Variants in LRP6 observed in about 807,000 individuals in gnomAD.
The protein encoded by LRP6 is low-density lipoprotein receptor-related protein 6.
LRP6 carries 43 observed loss-of-function variants against 184.1 expected under a neutral mutation model. That is an observed-to-expected ratio of 0.23 (90% CI 0.18 to 0.30). The LOEUF (loss-of-function observed/expected upper bound fraction) is 0.30. LRP6 is among the 10% of genes least tolerant of loss of function. The pLI is 1.00. For synonymous variants in LRP6, 719 were observed against 684.9 expected, an observed-to-expected ratio of 1.05 and a Z score of -0.78; for missense variants, 1,571 against 2,005.3, an observed-to-expected ratio of 0.78 and a Z score of 4.14.
intron 15 of LRP6, among the ~76,000 whole-genome samples, chr12:12,140,673 G>T (rs533118664): frequency 6.7e-6 from 1 of 148,614 alleles, no homozygotes; most frequent in African/African-American, 2.5e-5. Context: ...GCTCAATCTC[G>T]CCTCACTGCA....
intron 15 of LRP6, among the ~76,000 whole-genome samples, chr12:12,145,353 A>G (rs1203507949): frequency 2.0e-5 from 3 of 152,138 alleles, no homozygotes; most frequent in Admixed American, 2.0e-4. Context: ...AAAAGATTAA[A>G]ATAATTATAA....
chr12:12,127,898 AAT>A (rs1949695340), intron 19 of LRP6, among the ~76,000 whole-genome samples: 1 of 152,220 alleles, frequency 6.6e-6, no homozygotes, highest in South Asian at 2.1e-4. Flanking sequence ...TAAGTTACAT[AAT>A]ATGTAGGGAT....
At chr12:12,142,745 TA>T (rs528640675) in intron 15 of LRP6, among the ~76,000 whole-genome samples, 3 of 151,578 alleles carry the variant, frequency 2.0e-5, no homozygotes, top group African/African-American at 7.3e-5. Flanking sequence ...AATCCAGCAA[TA>T]AAAAAAAGAA....
chr12:12,186,458 A>G (rs531788454), intron 4 of LRP6, among the ~76,000 whole-genome samples: 28 of 152,064 alleles, frequency 1.8e-4, no homozygotes, highest in African/African-American at 6.3e-4. Context: ...GGCTCACTGC[A>G]ATCTCCACCT....
intron 4 of LRP6, among the ~76,000 whole-genome samples, chr12:12,186,477 C>T (rs1276822612): frequency 6.6e-6 from 1 of 152,010 alleles, no homozygotes; most frequent in African/African-American, 2.4e-5. Context: ...CTTCCGGGTT[C>T]AAGTGACACT....
intron 1 of LRP6, 56 bp from the exon 2 acceptor site, chr12:12,244,711 T>C (rs1165282609): frequency 3.2e-6 from 5 of 1,569,420 alleles, no homozygotes; most frequent in Non-Finnish European, 4.3e-6. Flanking sequence ...TATTGGTTCT[T>C]ATAAACTGCG....
intron 22 of LRP6, among the ~76,000 whole-genome samples, chr12:12,124,292 G>C (rs1165963070): frequency 6.6e-6 from 1 of 152,168 alleles, no homozygotes; most frequent in Non-Finnish European, 1.5e-5. Context: ...AGAATCGCTT[G>C]AACCTGGGAG....
chr12:12,124,114 C>T (rs1591859580), intron 22 of LRP6, among the ~76,000 whole-genome samples: 1 of 151,988 alleles, frequency 6.6e-6, no homozygotes, highest in East Asian at 1.9e-4. Flanking sequence ...TGGCTCACAC[C>T]TGTAATCCCA....
chr12:12,257,066 T>C (rs1384038842), intron 1 of LRP6, among the ~76,000 whole-genome samples: 3 of 152,022 alleles, frequency 2.0e-5, no homozygotes, highest in East Asian at 1.9e-4. Context: ...AGCAAATCCA[T>C]AGAGACAGAA....
In LRP6 at chr12:12,244,602, T is replaced by C. The variant is rs781207636; in HGVS notation, c.109A>G (p.Thr37Ala). ...ATCGTAGCATTCTCTTTGCCATTTG[T>C]AGCATCAACCAATCGCAAGTCCCGT... ...NRRDLRLVDA[T>A]NGKENATIVV... Residue 37 changes from threonine to alanine, a missense_variant, in exon 2 of 23, where the codon ACA (threonine) becomes GCA (alanine). Physicochemically the swap from Thr to Ala is moderately conservative, Grantham distance 58. This residue lies in a region of LRP6 where 640 missense variants were observed against 851.9 expected (regional missense o/e 0.75). Coordinates refer to ENST00000261349, the MANE Select transcript of LRP6 (RefSeq NM_002336.3). 2.0e-5 allele frequency: 33 copies of C among 1,614,056 alleles called. No homozygotes were observed. The Admixed American group carries it at 5.5e-4, about 27-fold the overall frequency.
intron 17 of LRP6, among the ~76,000 whole-genome samples, chr12:12,132,833 G>C (rs1360683805): frequency 1.3e-5 from 2 of 152,164 alleles, no homozygotes. Flanking sequence ...TAATGGGAAA[G>C]CATTTGTTTT....
At chr12:12,188,127 C>G (rs952536172) in intron 3 of LRP6, among the ~76,000 whole-genome samples, 2 of 150,654 alleles carry the variant, frequency 1.3e-5, no homozygotes, top group African/African-American at 4.9e-5. Context: ...CAGAGAACTG[C>G]TTGAATCCAG....
At chr12:12,161,714 T>C (rs916006875) in intron 10 of LRP6, among the ~76,000 whole-genome samples, 1 of 152,234 alleles carries the variant, frequency 6.6e-6, no homozygotes, top group Non-Finnish European at 1.5e-5. Flanking sequence ...TATCTTGTAA[T>C]AACAAAGCTA....
chr12:12,170,532 C>A (rs1863006059), intron 7 of LRP6, among the ~76,000 whole-genome samples: 1 of 151,700 alleles, frequency 6.6e-6, no homozygotes. Context: ...ATTTTAAGTT[C>A]TGCAGAGCCA....
Position 12,116,621 on chromosome 12 carries a change from T to C in LRP6, c.*4505A>G, listed in dbSNP as rs1376333792. 6.6e-6 allele frequency: 1 copy of C among 152,214 alleles called. No individual in the cohort carries two copies. Among genetic ancestry groups the C allele is most frequent in the Non-Finnish European group, 1.5e-5 (1 of 68,042 alleles). 9.4% of individuals were successfully genotyped at this position (152,214 alleles called of 1,614,324 possible). A position where few individuals can be genotyped will look rare whatever the true frequency, so the allele number is the denominator to read the frequency against. On this transcript the variant is annotated 3_prime_UTR_variant, in exon 23 of 23. Coordinates refer to ENST00000261349, the MANE Select transcript of LRP6 (RefSeq NM_002336.3). ...TTCAGCAAAAGCGCGTTGTCTGTAA[T>C]TCTCTGGTGTTGCTTCTGGGCAAAC... is the stretch of plus-strand genomic sequence containing the variant.
At chr12:12,175,429 C>T (rs2136976021) in intron 7 of LRP6, among the ~76,000 whole-genome samples, 1 of 149,812 alleles carries the variant, frequency 6.7e-6, no homozygotes, top group South Asian at 2.1e-4. Context: ...GTAGCTCATG[C>T]CTGTAATCCC....
intron 1 of LRP6, among the ~76,000 whole-genome samples, chr12:12,258,272 G>A (rs960407536): frequency 2.0e-5 from 3 of 152,028 alleles, no homozygotes; most frequent in South Asian, 2.1e-4. Flanking sequence ...ATGTGCCATC[G>A]TGACCAGATA....
chr12:12,165,743 T>C (rs1862862470), intron 7 of LRP6, among the ~76,000 whole-genome samples: 1 of 152,192 alleles, frequency 6.6e-6, no homozygotes, highest in Non-Finnish European at 1.5e-5. Context: ...ACAGAGCTTG[T>C]AAACACAGTT....
At chr12:12,152,941 G>A (rs1950101980) in intron 12 of LRP6, among the ~76,000 whole-genome samples, 1 of 152,164 alleles carries the variant, frequency 6.6e-6, no homozygotes, top group Non-Finnish European at 1.5e-5. Flanking sequence ...TTCTTCATTA[G>A]TTAAAAACCC....
Sources: allele counts gnomAD v4.1 joint callset (sites outside exome capture counted in the v4.1 genomes callset), GRCh38; gene constraint gnomAD v4.1.1; regional missense constraint gnomAD v4.1.1; transcripts MANE v1.5; gene names NCBI Gene and HGNC (gene_info 2026-07-23, HGNC 2026-07-21).